Variants in NCKAP1 observed in about 807,000 individuals in gnomAD.
NCKAP1 encodes nck-associated protein 1.
A neutral mutation model predicts 151.2 loss-of-function variants in NCKAP1; 21 were observed. That is an observed-to-expected ratio of 0.14 (90% CI 0.10 to 0.20). NCKAP1 has a LOEUF of 0.20. NCKAP1 is among the 10% of genes least tolerant of loss of function. NCKAP1 has a pLI of 1.00. For missense variants in NCKAP1, 933 were observed against 1,352.1 expected, an observed-to-expected ratio of 0.69 and a Z score of 4.86; for synonymous variants, 484 against 451.8, an observed-to-expected ratio of 1.07 and a Z score of -0.90.
Position 182,997,179 on chromosome 2 carries a change from T to C in NCKAP1, c.604-1341A>G, listed in dbSNP as rs1365616408. On this transcript the variant is annotated intron_variant, in intron 6 of 30. Coordinates refer to ENST00000361354, the MANE Select transcript of NCKAP1 (RefSeq NM_013436.5). ...TCTAGCTAAGAGTCTGTCAACCTTA[T>C]TGGCAATCCTTTCAAAAAACTAACT... Among the ~76,000 whole-genome samples the C allele has an allele frequency of 3.9e-5, 6 of 152,364 alleles. 1 individual carries two copies. The South Asian group carries it at 1.0e-3, about 26-fold the overall frequency.
Position 182,920,900 on chromosome 2 carries a change from T to C in NCKAP1, c.*4802A>G. 1 of 141,934 alleles carries C rather than the reference T, an allele frequency of 7.0e-6. No homozygotes were observed. Among genetic ancestry groups the C allele is most frequent in the East Asian group, 2.2e-4 (1 of 4,608 alleles). The allele number at this position is 141,934 out of a possible 1,614,324, so 8.8% of individuals were successfully genotyped here. On this transcript the variant is annotated 3_prime_UTR_variant, in exon 31 of 31. Transcript: ENST00000361354. ...AGCAAACACATGCATAAAAAAAAAA[T>C]CAGAAATAATGAAAGTAAACAAGGG...
intron 15 of NCKAP1, among the ~76,000 whole-genome samples, chr2:182,971,198 T>A (rs1697681281): frequency 6.6e-6 from 1 of 150,974 alleles, no homozygotes; most frequent in Admixed American, 6.6e-5. Context: ...ATCGAGACCA[T>A]CCCGGCTAAA....
chr2:182,983,446 T>C lies in NCKAP1; in HGVS notation c.1005-64A>G, dbSNP rs566095998. ...CTAAAATTATTATTGGCAATTAAAG[T>C]AACTAGCATTATAGGTGCAACTTCC... On this transcript the variant is annotated intron_variant, in intron 10 of 30. Coordinates refer to ENST00000361354, the MANE Select transcript of NCKAP1 (RefSeq NM_013436.5). The C allele has an allele frequency of 5.8e-6, 7 of 1,205,430 alleles. No individual in the cohort carries two copies. The Admixed American group carries it at 9.5e-5, about 16-fold the overall frequency. 74.7% of individuals were successfully genotyped at this position (1,205,430 alleles called of 1,614,324 possible).
Position 182,919,934 on chromosome 2 carries a change from G to C in NCKAP1, c.*5768C>G, listed in dbSNP as rs1696524410. ...CCCAAAGTGCTGGGATCACAGGAGT[G>C]AGCCACCGCGTCTGGCCTTAATTAT... On this transcript the variant is annotated 3_prime_UTR_variant, in exon 31 of 31. Coordinates refer to ENST00000361354, the MANE Select transcript of NCKAP1 (RefSeq NM_013436.5). The C allele has an allele frequency of 1.3e-5, 2 of 152,316 alleles. No homozygotes were observed. The highest frequency in any genetic ancestry group is 1.3e-4 in the Admixed American group (2 of 15,264). The allele number at this position is 152,316 out of a possible 1,614,324, so 9.4% of individuals were successfully genotyped here.
At position 182,982,883 on chromosome 2, in the gene NCKAP1, G is replaced by A. The variant is rs1391975297; in HGVS notation, c.1146C>T (p.Ile382=). The A allele has an allele frequency of 6.2e-7, 1 of 1,611,948 alleles. No homozygotes were observed. Among genetic ancestry groups the A allele is most frequent in the Admixed American group, 1.7e-5 (1 of 59,814 alleles). ...TATCTGCATGACGAAGTAGCCAGAT[G>A]ATTTCATCACGGGCAAAGGATAATG... The part of the protein sequence containing the change: ...FMALSFARDE[I]IWLLRHADNM... Residue 382 remains isoleucine (I), a synonymous_variant, in exon 12 of 31, where the codon ATC becomes ATT. Transcript: ENST00000361354.
rs1696504894 is a variant in NCKAP1 at position 182,918,725 on chromosome 2, T to C, written c.*6977A>G. On this transcript the variant is annotated 3_prime_UTR_variant, in exon 31 of 31. Coordinates refer to ENST00000361354, the MANE Select transcript of NCKAP1 (RefSeq NM_013436.5). ...GGGTCTAGGGATAAAAAACTACACATTGGGTACAATGCATACTACCTGGGT... is the reference window on the plus strand; with the variant it reads ...GGGTCTAGGGATAAAAAACTACACACTGGGTACAATGCATACTACCTGGGT... 1 of 152,176 alleles carries C rather than the reference T, an allele frequency of 6.6e-6. No homozygotes were observed. The highest frequency in any genetic ancestry group is 2.4e-5 in the African/African-American group (1 of 41,430). The allele number at this position is 152,176 out of a possible 1,614,324, so 9.4% of individuals were successfully genotyped here. A position where few individuals can be genotyped will look rare whatever the true frequency, so the allele number is the denominator to read the frequency against.
At chr2:182,983,812 T>C (rs1697990182) in intron 10 of NCKAP1, among the ~76,000 whole-genome samples, 1 of 152,116 alleles carries the variant, frequency 6.6e-6, no homozygotes, top group Admixed American at 6.6e-5. Context: ...TTGGGCAGAC[T>C]GCGTGAGCTC....
chr2:182,975,089 C>G (rs115896095), intron 15 of NCKAP1, among the ~76,000 whole-genome samples: 2,941 of 152,248 alleles, frequency 0.019, 88 homozygotes, highest in African/African-American at 0.063. Flanking sequence ...TGAAGCAGTT[C>G]AAGCTTTATG....
chr2:183,009,289 C>T lies in NCKAP1; in HGVS notation c.220-5964G>A, dbSNP rs574368172. On this transcript the variant is annotated intron_variant, in intron 2 of 30. Transcript: ENST00000361354. ...ACTCTGGAGGCTGAGGTAAGAGAAT[C>T]ACTTGAACCTGGGAGGTGGAGGCTG... is the stretch of plus-strand genomic sequence containing the variant. 9.3e-5 allele frequency among the ~76,000 whole-genome samples: 14 copies of T among 149,896 alleles called. No homozygotes were observed. The East Asian group carries it at 1.0e-3, about 11-fold the overall frequency.
At chr2:183,004,525 TG>T (rs1300374644) in intron 2 of NCKAP1, among the ~76,000 whole-genome samples, 2 of 147,292 alleles carry the variant, frequency 1.4e-5, no homozygotes, top group African/African-American at 5.0e-5. Context: ...CACAGCAGTC[TG>T]GAAGACCCTA....
intron 23 of NCKAP1, among the ~76,000 whole-genome samples, chr2:182,943,719 G>A (rs1008839197): frequency 1.3e-5 from 2 of 151,670 alleles, no homozygotes; most frequent in Non-Finnish European, 2.9e-5. Context: ...AATAATAAGA[G>A]CAATTATAAC....
Position 182,913,339 on chromosome 2 carries a change from T to C in NCKAP1, c.*12363A>G, listed in dbSNP as rs1040286962. 17 of 152,260 alleles carry C rather than the reference T, an allele frequency of 1.1e-4. No homozygotes were observed. The highest frequency in any genetic ancestry group is 4.1e-4 in the African/African-American group (17 of 41,468). The allele number at this position is 152,260 out of a possible 1,614,324, so 9.4% of individuals were successfully genotyped here. On this transcript the variant is annotated 3_prime_UTR_variant, in exon 31 of 31. Coordinates refer to ENST00000361354, the MANE Select transcript of NCKAP1 (RefSeq NM_013436.5). The stretch of plus-strand genomic sequence containing the variant: ...CAGCAGTGTTGAGAGGTGGGACTTC[T>C]GGGAGGTGATTGGTTCACAAGAGCT...
intron 1 of NCKAP1, among the ~76,000 whole-genome samples, chr2:183,031,772 C>T (rs1699008727): frequency 6.6e-6 from 1 of 152,126 alleles, no homozygotes; most frequent in African/African-American, 2.4e-5. Flanking sequence ...CGTGAGATAA[C>T]TGGAATATCT....
In NCKAP1 at chr2:182,921,017, A is replaced by G. The variant is rs1049741314; in HGVS notation, c.*4685T>C. On this transcript the variant is annotated 3_prime_UTR_variant, in exon 31 of 31. Coordinates refer to ENST00000361354, the MANE Select transcript of NCKAP1 (RefSeq NM_013436.5). Reference sequence around the variant, plus strand: ...TCTGTGAGCACGCTTCAGTGAAATTATATCACCACTGACCACAAAATCTTC... The same window carrying G: ...TCTGTGAGCACGCTTCAGTGAAATTGTATCACCACTGACCACAAAATCTTC... 4.6e-5 allele frequency: 7 copies of G among 152,212 alleles called. No individual in the cohort carries two copies. The highest frequency in any genetic ancestry group is 1.4e-4 in the African/African-American group (6 of 41,472). 9.4% of individuals were successfully genotyped at this position (152,212 alleles called of 1,614,324 possible). A position where few individuals can be genotyped will look rare whatever the true frequency, so the allele number is the denominator to read the frequency against.
chr2:183,018,508 C>T (rs967592352), intron 2 of NCKAP1, among the ~76,000 whole-genome samples: 2 of 152,058 alleles, frequency 1.3e-5, no homozygotes, highest in Non-Finnish European at 2.9e-5. Context: ...ATGCATGTGT[C>T]AAGGGCCTCC....
At chr2:183,025,901 T>C (rs1352051885) in intron 1 of NCKAP1, among the ~76,000 whole-genome samples, 1 of 152,224 alleles carries the variant, frequency 6.6e-6, no homozygotes, top group African/African-American at 2.4e-5. Context: ...TGTGTTGTCT[T>C]TCATATTCTA....
At chr2:182,989,427 T>A (rs924864805) in intron 8 of NCKAP1, among the ~76,000 whole-genome samples, 4 of 152,256 alleles carry the variant, frequency 2.6e-5, no homozygotes, top group African/African-American at 9.6e-5. Flanking sequence ...AAATGTCACT[T>A]CTGGGTTATG....
chr2:183,037,997 T>C lies in NCKAP1; in HGVS notation c.103A>G (p.Lys35Glu). 6.3e-7 allele frequency: 1 copy of C among 1,578,862 alleles called. No individual in the cohort carries two copies. The highest frequency in any genetic ancestry group is 8.6e-7 in the Non-Finnish European group (1 of 1,168,198). Residue 35 changes from lysine to glutamate, a missense_variant, in exon 1 of 31, where the codon AAG becomes GAG. Around this residue, in one of 2 missense-constraint regions of NCKAP1, gnomAD observed 607 missense variants for 795.0 expected, o/e 0.76. Coordinates refer to ENST00000361354, the MANE Select transcript of NCKAP1 (RefSeq NM_013436.5). ...VGMLTRLYNI[K>E]KACGDPKAKP... ...CCTCCCCGGCCCGTGCGCACCTTCT[T>C]GATGTTGTAGAGGCGGGTGAGCATG...
chr2:182,951,387 G>A (rs1233330169), intron 23 of NCKAP1, among the ~76,000 whole-genome samples: 1 of 151,386 alleles, frequency 6.6e-6, no homozygotes, highest in Non-Finnish European at 1.5e-5. Context: ...ACTAAAAATT[G>A]GCCAGGCACG....
Sources: allele counts gnomAD v4.1 joint callset (sites outside exome capture counted in the v4.1 genomes callset), GRCh38; gene constraint gnomAD v4.1.1; regional missense constraint gnomAD v4.1.1; transcripts MANE v1.5; gene names NCBI Gene and HGNC (gene_info 2026-07-23, HGNC 2026-07-21).